SCAPER: variants seen among roughly 807,000 people sequenced by gnomAD.
SCAPER encodes the protein S phase cyclin A-associated protein in the endoplasmic reticulum.
In SCAPER, 98 loss-of-function variants were observed where a neutral mutation model predicts 182.2. The observed-to-expected ratio is 0.54, with a 90% CI of 0.46 to 0.64. The LOEUF is 0.64. SCAPER is among the 30% of genes least tolerant of loss of function. The pLI, the probability that SCAPER is intolerant of heterozygous loss-of-function variation, is 0.00. For synonymous variants in SCAPER, 605 were observed against 564.6 expected, an observed-to-expected ratio of 1.07 and a Z score of -1.01; for missense variants, 1,432 against 1,690.0, an observed-to-expected ratio of 0.85 and a Z score of 2.68.
chr15:76,417,983 A>C (rs1331044032), intron 26 of SCAPER, among the ~76,000 whole-genome samples: 3 of 151,976 alleles, frequency 2.0e-5, no homozygotes, highest in African/African-American at 7.3e-5. Context: ...GCGCCTCTGC[A>C]CTCCAGCCTG....
rs757004071 is a variant in SCAPER at position 76,504,980 on chromosome 15, C to G, written c.2839-6G>C. On this transcript the variant is annotated splice_region_variant and splice_polypyrimidine_tract_variant and intron_variant, in intron 23 of 31. Transcript: ENST00000563290. Reference sequence around the variant, plus strand: ...GCAATCTGATCTGCCACATTCTAGACAGAAATACAAACAGAAGTTAGCCCA... The same window carrying G: ...GCAATCTGATCTGCCACATTCTAGAGAGAAATACAAACAGAAGTTAGCCCA... The G allele has an allele frequency of 1.2e-6, 2 of 1,608,126 alleles. No individual in the cohort carries two copies. Among genetic ancestry groups the G allele is most frequent in the Non-Finnish European group, 1.7e-6 (2 of 1,177,294 alleles).
At chr15:76,530,754 C>T (rs1655949102) in intron 23 of SCAPER, among the ~76,000 whole-genome samples, 1 of 151,824 alleles carries the variant, frequency 6.6e-6, no homozygotes. Context: ...CACCATGGTT[C>T]ACAAAACAAT....
At chr15:76,719,486 G>T (rs932131037) in intron 17 of SCAPER, among the ~76,000 whole-genome samples, 4 of 152,038 alleles carry the variant, frequency 2.6e-5, no homozygotes, top group Non-Finnish European at 5.9e-5. Flanking sequence ...TACAACAGGA[G>T]GGCTATAGGT....
At chr15:76,591,521 G>C (rs2439989) in intron 22 of SCAPER, among the ~76,000 whole-genome samples, 20,461 of 152,104 alleles carry the variant, frequency 0.13, 1,425 homozygotes, top group African/African-American at 0.17. Context: ...GAGTGCAGAG[G>C]TGCAATCATG....
chr15:76,510,888 T>TGTGTGTGC (rs1491205462), intron 23 of SCAPER, among the ~76,000 whole-genome samples: 2 of 141,090 alleles, frequency 1.4e-5, no homozygotes, highest in African/African-American at 5.2e-5. Flanking sequence ...TGTGTGTGTG[T>TGTGTGTGC]GCGCGCGCGC....
At chr15:76,761,041 G>T (rs1341764628) in intron 14 of SCAPER, among the ~76,000 whole-genome samples, 1 of 151,896 alleles carries the variant, frequency 6.6e-6, no homozygotes, top group Non-Finnish European at 1.5e-5. Flanking sequence ...ATTTGTTATT[G>T]GTCTGTTTAG....
chr15:76,412,604 T>C (rs757360780), intron 26 of SCAPER, among the ~76,000 whole-genome samples: 1 of 152,196 alleles, frequency 6.6e-6, no homozygotes, highest in Non-Finnish European at 1.5e-5. Flanking sequence ...TTTTGACCTA[T>C]TGATCAATCT....
At position 76,898,616 on chromosome 15, in the gene SCAPER, C is replaced by T. The variant is rs891977016; in HGVS notation, c.-60+6683G>A. Among the ~76,000 whole-genome samples, 6 of 152,172 alleles carry T rather than the reference C, an allele frequency of 3.9e-5. No homozygotes were observed. In the East Asian group the frequency reaches 5.8e-4, roughly 15 times the overall value. ...AAATGGATGAATCTTGAAAACATTACGTTAAATGGAAGAAGCCAGACACAA... is the reference window on the plus strand; with the variant it reads ...AAATGGATGAATCTTGAAAACATTATGTTAAATGGAAGAAGCCAGACACAA... On this transcript the variant is annotated intron_variant, in intron 1 of 31. Coordinates refer to ENST00000563290, the MANE Select transcript of SCAPER (RefSeq NM_020843.4).
intron 22 of SCAPER, among the ~76,000 whole-genome samples, chr15:76,612,551 G>C (rs929107097): frequency 6.6e-6 from 1 of 151,768 alleles, no homozygotes; most frequent in Non-Finnish European, 1.5e-5. Context: ...AAAGCTTCTT[G>C]AGCTGAAAAA....
rs530619639 is a variant in SCAPER, at chr15:76,440,411, G to C, written c.3079-6101C>G. Among the ~76,000 whole-genome samples the C allele has an allele frequency of 4.6e-5, 7 of 152,290 alleles. No individual in the cohort carries two copies. The South Asian group carries it at 1.4e-3, about 32-fold the overall frequency. On this transcript the variant is annotated intron_variant, in intron 25 of 31. Transcript: ENST00000563290. ...GCAATACAGAAAGATGCTTTTATTA[G>C]TAATAGAAATCTATTGTTCTGTAAT...
chr15:76,867,140 T>C (rs1371759528), intron 2 of SCAPER, among the ~76,000 whole-genome samples: 1 of 152,174 alleles, frequency 6.6e-6, no homozygotes, highest in Non-Finnish European at 1.5e-5. Context: ...TTTCAACAAC[T>C]TTCCCCATAA....
intron 23 of SCAPER, among the ~76,000 whole-genome samples, chr15:76,508,686 G>A (rs996284666): frequency 6.6e-6 from 1 of 152,008 alleles, no homozygotes; most frequent in African/African-American, 2.4e-5. Context: ...GGCTGTTTGT[G>A]ATTTTAAAAA....
intron 29 of SCAPER, among the ~76,000 whole-genome samples, chr15:76,369,325 G>T (rs1456577855): frequency 6.6e-6 from 1 of 152,164 alleles, no homozygotes; most frequent in African/African-American, 2.4e-5. Flanking sequence ...CTAATGATAA[G>T]GAAATATTAA....
chr15:76,841,299 G>A (rs749474283), intron 5 of SCAPER, among the ~76,000 whole-genome samples: 5 of 152,060 alleles, frequency 3.3e-5, no homozygotes, highest in Non-Finnish European at 5.9e-5. Context: ...TTCATAAGAG[G>A]TAATTAAATG....
intron 23 of SCAPER, among the ~76,000 whole-genome samples, chr15:76,551,404 T>C (rs749672561): frequency 2.6e-5 from 4 of 152,184 alleles, no homozygotes; most frequent in Admixed American, 6.5e-5. Context: ...CCTGTCATTA[T>C]GGCAACCTGG....
rs2046633015 is a variant in SCAPER at position 76,428,867 on chromosome 15, T to TATATATATATATATATACAC, written c.3311+5210_3311+5211insGTGTATATATATATATATAT. On this transcript the variant is annotated intron_variant, in intron 26 of 31. Transcript: ENST00000563290. ...AGGTATCCTGATCAGATCATTATAC[T>TATATATATATATATATACAC]ATATATATATATATATATATATATA... Among the ~76,000 whole-genome samples the TATATATATATATATATACAC allele has an allele frequency of 1.4e-4, 3 of 20,718 alleles. 1 individual carries two copies. Among genetic ancestry groups the TATATATATATATATATACAC allele is most frequent in the Non-Finnish European group, 3.5e-4 (3 of 8,538 alleles). The allele number at this position is 20,718 out of a possible 152,430, so 13.6% of individuals were successfully genotyped here. A position where few individuals can be genotyped will look rare whatever the true frequency, so the allele number is the denominator to read the frequency against.
Position 76,471,285 on chromosome 15 carries a change from G to A in SCAPER, c.3005C>T (p.Ser1002Leu), listed in dbSNP as rs745833634. ...NVYNLTCNNCSENCSDVLFSN... is the reference protein window; with the variant it reads ...NVYNLTCNNCLENCSDVLFSN... The stretch of plus-strand genomic sequence containing the variant: ...AAACAGAACATCACTGCAGTTTTCT[G>A]AACAGTTATTGCAGGTGAGGTTGTA... Residue 1002 changes from serine (S) to leucine (L), a missense_variant, in exon 25 of 32, where the codon TCA becomes TTA. Coordinates refer to ENST00000563290, the MANE Select transcript of SCAPER (RefSeq NM_020843.4). The A allele has an allele frequency of 6.2e-7, 1 of 1,612,380 alleles. No individual in the cohort carries two copies. The highest frequency in any genetic ancestry group is 1.3e-5 in the African/African-American group (1 of 74,924).
intron 8 of SCAPER, among the ~76,000 whole-genome samples, chr15:76,788,029 G>A (rs927962438): frequency 6.6e-6 from 1 of 152,170 alleles, no homozygotes; most frequent in Non-Finnish European, 1.5e-5. Flanking sequence ...GCAAAGACAT[G>A]AGCAAACATT....
chr15:76,684,421 T>C (rs755774739), intron 20 of SCAPER, among the ~76,000 whole-genome samples: 1 of 152,168 alleles, frequency 6.6e-6, no homozygotes, highest in African/African-American at 2.4e-5. Flanking sequence ...TCATTACACA[T>C]TGTATGCCTG....
Sources: allele counts gnomAD v4.1 joint callset (sites outside exome capture counted in the v4.1 genomes callset), GRCh38; gene constraint gnomAD v4.1.1; transcripts MANE v1.5; gene names NCBI Gene and HGNC (gene_info 2026-07-23, HGNC 2026-07-21).